Variants in MACROD2 observed in about 807,000 individuals in gnomAD.
MACROD2 encodes the protein mono-ADP ribosylhydrolase 2, also known as ADP-ribose glycohydrolase MACROD2.
In MACROD2, 36 loss-of-function variants were observed where a neutral mutation model predicts 70.4. That is an observed-to-expected ratio of 0.51 (90% CI 0.39 to 0.68). The LOEUF is 0.68. Among genes scored for constraint, MACROD2 ranks in the 30% least tolerant of loss-of-function variants. The pLI is 0.00. For missense variants in MACROD2, 496 were observed against 538.4 expected, an observed-to-expected ratio of 0.92 and a Z score of 0.78; for synonymous variants, 172 against 178.8, an observed-to-expected ratio of 0.96 and a Z score of 0.30.
intron 8 of MACROD2, among the ~76,000 whole-genome samples, chr20:15,647,663 G>A (rs556119407): frequency 9.2e-5 from 14 of 152,010 alleles, no homozygotes; most frequent in Admixed American, 8.5e-4. Context: ...TTACTGATAG[G>A]GTCTGGATGA....
chr20:15,699,021 C>A (rs778196989), intron 8 of MACROD2, among the ~76,000 whole-genome samples: 1 of 152,156 alleles, frequency 6.6e-6, no homozygotes, highest in Non-Finnish European at 1.5e-5. Flanking sequence ...TGGGCTACGC[C>A]TTTCTCTGGT....
chr20:15,759,577 A>G (rs1274446063), intron 8 of MACROD2, among the ~76,000 whole-genome samples: 2 of 152,244 alleles, frequency 1.3e-5, no homozygotes, highest in Middle Eastern at 6.8e-3. Flanking sequence ...TATTTCCCAA[A>G]TTGCGCCTGC....
At chr20:14,576,486 C>T (rs960714822) in intron 4 of MACROD2, among the ~76,000 whole-genome samples, 7 of 152,170 alleles carry the variant, frequency 4.6e-5, no homozygotes, top group Non-Finnish European at 7.4e-5. Flanking sequence ...GTAACTGCCA[C>T]TTTCAATATG....
chr20:15,521,128 C>A (rs1219563104), intron 8 of MACROD2, among the ~76,000 whole-genome samples: 1 of 152,164 alleles, frequency 6.6e-6, no homozygotes, highest in African/African-American at 2.4e-5. Context: ...TCATCAGCTT[C>A]CCCCAGCAGA....
intron 7 of MACROD2, among the ~76,000 whole-genome samples, chr20:15,439,532 C>G (rs147514159): frequency 3.8e-4 from 58 of 152,276 alleles, no homozygotes; most frequent in African/African-American, 1.3e-3. Flanking sequence ...GGCAGCTCTC[C>G]TAGCTTTCTC....
chr20:15,629,456 T>C (rs1201512454), intron 8 of MACROD2, among the ~76,000 whole-genome samples: 1 of 152,274 alleles, frequency 6.6e-6, no homozygotes, highest in Admixed American at 6.5e-5. Flanking sequence ...TCTTATCTTA[T>C]AGAAATACGT....
At chr20:15,419,473 C>A (rs554404406) in intron 6 of MACROD2, among the ~76,000 whole-genome samples, 81 of 152,264 alleles carry the variant, frequency 5.3e-4, no homozygotes, top group Non-Finnish European at 8.2e-4. Context: ...GGAATGCTCC[C>A]AGGTGTATCT....
chr20:15,423,452 A>T (rs554996044), intron 6 of MACROD2, among the ~76,000 whole-genome samples: 1 of 152,258 alleles, frequency 6.6e-6, no homozygotes, highest in Non-Finnish European at 1.5e-5. Flanking sequence ...TGTCTTAGTC[A>T]GCTCAGGCTG....
intron 3 of MACROD2, among the ~76,000 whole-genome samples, chr20:14,422,981 G>GC (rs1267690909): frequency 6.6e-6 from 1 of 152,148 alleles, no homozygotes; most frequent in Non-Finnish European, 1.5e-5. Context: ...GCTTTTATCA[G>GC]CCCCGCCCAC....
intron 9 of MACROD2, among the ~76,000 whole-genome samples, chr20:15,876,801 C>G (rs2064681147): frequency 6.6e-6 from 1 of 152,140 alleles, no homozygotes; most frequent in Non-Finnish European, 1.5e-5. Context: ...TTAATGATCA[C>G]CATACTAACT....
chr20:14,489,791 AAAAC>A (rs1465451224), intron 3 of MACROD2, among the ~76,000 whole-genome samples: 1 of 152,190 alleles, frequency 6.6e-6, no homozygotes, highest in Non-Finnish European at 1.5e-5. Context: ...ATGGAGTGGA[AAAAC>A]AAACAATTAC....
chr20:15,161,675 T>C (rs1183238088), intron 5 of MACROD2, among the ~76,000 whole-genome samples: 1 of 152,028 alleles, frequency 6.6e-6, no homozygotes, highest in East Asian at 1.9e-4. Flanking sequence ...CTCACTAATT[T>C]ACATTTTATT....
At chr20:14,655,941 T>C (rs1374742197) in intron 4 of MACROD2, among the ~76,000 whole-genome samples, 2 of 152,174 alleles carry the variant, frequency 1.3e-5, no homozygotes, top group Non-Finnish European at 2.9e-5. Context: ...TTATTATACA[T>C]GGGCTGATTC....
At chr20:15,650,707 C>T (rs538836843) in intron 8 of MACROD2, among the ~76,000 whole-genome samples, 3 of 152,256 alleles carry the variant, frequency 2.0e-5, no homozygotes, top group Non-Finnish European at 4.4e-5. Context: ...CTATCTGCAC[C>T]ACTGATGTTG....
intron 10 of MACROD2, among the ~76,000 whole-genome samples, chr20:15,899,147 GTA>G (rs74196729): frequency 1.3e-5 from 2 of 151,692 alleles, no homozygotes; most frequent in Non-Finnish European, 2.9e-5. Flanking sequence ...ATATATGGGT[GTA>G]TATATATCTG....
At chr20:15,041,387 A>G (rs2075355056) in intron 5 of MACROD2, among the ~76,000 whole-genome samples, 1 of 152,154 alleles carries the variant, frequency 6.6e-6, no homozygotes, top group Non-Finnish European at 1.5e-5. Context: ...ATGTACTTCT[A>G]GATTTTATAG....
chr20:15,645,979 A>G (rs2049534858), intron 8 of MACROD2, among the ~76,000 whole-genome samples: 1 of 152,174 alleles, frequency 6.6e-6, no homozygotes, highest in Non-Finnish European at 1.5e-5. Context: ...ATATTATGCA[A>G]ATATCAAAAG....
intron 8 of MACROD2, among the ~76,000 whole-genome samples, chr20:15,501,571 T>G (rs1352330006): frequency 6.6e-6 from 1 of 152,190 alleles, no homozygotes; most frequent in African/African-American, 2.4e-5. Flanking sequence ...TATCTTTGAG[T>G]CCATTCTTTT....
intron 3 of MACROD2, among the ~76,000 whole-genome samples, chr20:14,137,693 A>AG (rs1299443479): frequency 6.6e-6 from 1 of 152,184 alleles, no homozygotes; most frequent in African/African-American, 2.4e-5. Context: ...AAGATAACAT[A>AG]GGGAAAAATC....
Sources: allele counts gnomAD v4.1 joint callset (sites outside exome capture counted in the v4.1 genomes callset), GRCh38; gene constraint gnomAD v4.1.1; transcripts MANE v1.5; gene names NCBI Gene and HGNC (gene_info 2026-07-23, HGNC 2026-07-21).